PHC3: variants seen among roughly 807,000 people sequenced by gnomAD.
The protein encoded by PHC3 is polyhomeotic homolog 3, also known as polyhomeotic-like protein 3.
A neutral mutation model predicts 107.4 loss-of-function variants in PHC3; 13 were observed. The ratio of observed to expected loss-of-function variants is 0.12; its 90% CI spans 0.08 to 0.19. PHC3 has a LOEUF of 0.19. Ranked by LOEUF, PHC3 falls within the 10% of genes least tolerant of loss-of-function variation. PHC3 has a pLI of 1.00. For missense variants in PHC3, 992 were observed against 1,210.9 expected (o/e 0.82, Z 2.68); for synonymous variants, 456 against 427.4 (o/e 1.07, Z -0.83).
At chr3:170,098,948 C>A (rs1715021169) in intron 14 of PHC3, among the ~76,000 whole-genome samples, 1 of 152,130 alleles carries the variant, frequency 6.6e-6, no homozygotes. Flanking sequence ...CAAAACTGGG[C>A]AGACAAAACT....
At chr3:170,171,324 C>T (rs1577263789) in intron 4 of PHC3, 49 bp downstream of exon 4, 1 of 1,333,786 alleles carries the variant, frequency 7.5e-7, no homozygotes, top group Non-Finnish European at 1.0e-6. Context: ...TTTTGGAAAA[C>T]AATTCTTTAA....
intron 2 of PHC3, among the ~76,000 whole-genome samples, chr3:170,174,598 T>C (rs979176373): frequency 5.9e-5 from 9 of 152,044 alleles, no homozygotes; most frequent in Non-Finnish European, 1.2e-4. Flanking sequence ...GCTAAGGGAG[T>C]AATAGTGCCA....
At chr3:170,161,674 C>T (rs1727919589) in intron 4 of PHC3, among the ~76,000 whole-genome samples, 1 of 152,180 alleles carries the variant, frequency 6.6e-6, no homozygotes, top group Non-Finnish European at 1.5e-5. Flanking sequence ...TGACCCCTGA[C>T]TTAAACAACA....
chr3:170,176,225 CAAAAA>C (rs375783409), intron 2 of PHC3, among the ~76,000 whole-genome samples: 2 of 82,356 alleles, frequency 2.4e-5, no homozygotes, highest in African/African-American at 4.7e-5. Flanking sequence ...GACTCGGTCT[CAAAAA>C]AAAAAAAAAA....
In PHC3 at chr3:170,102,537, T is replaced by C; in HGVS notation, c.2775A>G (p.Gln925=). The change falls in exon 14 of 15, where the codon CAA becomes CAG. Residue 925 remains glutamine (Q), a synonymous_variant. Transcript: ENST00000495893. ...CAACTGTCCATATAGATGGCTCTGT[T>C]TGTGCAACTGGTAGCAAGTCACTGT... ...PENSDLLPVA[Q]TEPSIWTVDD... The C allele has an allele frequency of 6.2e-7, 1 of 1,613,900 alleles. No individual in the cohort carries two copies. Among genetic ancestry groups the C allele is most frequent in the Non-Finnish European group, 8.5e-7 (1 of 1,179,830 alleles).
chr3:170,150,967 C>T (rs572281568), intron 4 of PHC3, among the ~76,000 whole-genome samples: 51 of 152,120 alleles, frequency 3.4e-4, no homozygotes, highest in African/African-American at 1.2e-3. Context: ...AATCCCAGCA[C>T]TTTGGGAGGC....
rs1219006691 is a variant in PHC3 at position 170,091,815 on chromosome 3, G to T, written c.*5415C>A. ...TTTCTCATAGTACAATTTTAAAACG[G>T]ATTAGGTTCTAAAAACTAATATGTA... On this transcript the variant is annotated 3_prime_UTR_variant, in exon 15 of 15. Coordinates refer to ENST00000495893, the MANE Select transcript of PHC3 (RefSeq NM_024947.4). 22 of 152,044 alleles carry T rather than the reference G, an allele frequency of 1.4e-4. No homozygotes were observed. Among genetic ancestry groups the T allele is most frequent in the Admixed American group, 1.4e-3 (22 of 15,258 alleles). The allele number at this position is 152,044 out of a possible 1,614,324, so 9.4% of individuals were successfully genotyped here.
chr3:170,139,650 A>G (rs1468506141), intron 6 of PHC3, among the ~76,000 whole-genome samples: 2 of 152,210 alleles, frequency 1.3e-5, no homozygotes, highest in African/African-American at 2.4e-5. Context: ...TGTTGTATAT[A>G]TATTATTTAT....
chr3:170,144,824 G>T (rs2108560468), intron 6 of PHC3, among the ~76,000 whole-genome samples: 1 of 152,142 alleles, frequency 6.6e-6, no homozygotes, highest in East Asian at 1.9e-4. Flanking sequence ...TCCTGCCTCA[G>T]CCTCCTGAAA....
intron 4 of PHC3, chr3:170,170,921 A>C (rs1194908066): frequency 6.2e-6 from 1 of 160,570 alleles, no homozygotes; most frequent in Non-Finnish European, 1.4e-5. Context: ...CCTATCTTGA[A>C]TGGATACTTG....
chr3:170,165,141 C>T (rs1008545767), intron 4 of PHC3, among the ~76,000 whole-genome samples: 17 of 152,222 alleles, frequency 1.1e-4, no homozygotes, highest in African/African-American at 3.9e-4. Context: ...AACTCCCACC[C>T]CAGCTTAGCA....
chr3:170,152,546 C>T (rs1422569285), intron 4 of PHC3, among the ~76,000 whole-genome samples: 3 of 152,004 alleles, frequency 2.0e-5, no homozygotes, highest in Admixed American at 2.0e-4. Flanking sequence ...CAATAGTCAC[C>T]AACATCTAAC....
At chr3:170,170,406 C>T (rs748298566) in intron 4 of PHC3, 6 of 149,728 alleles carry the variant, frequency 4.0e-5, no homozygotes, top group Non-Finnish European at 7.4e-5. Flanking sequence ...GCTAAACATC[C>T]TATAAATTAC....
intron 3 of PHC3, 96 bp downstream of exon 3, chr3:170,172,459 ATC>A: frequency 7.6e-7 from 1 of 1,315,304 alleles, no homozygotes; most frequent in East Asian, 2.4e-5. Flanking sequence ...ACCACAGGAC[ATC>A]TGAGAACTCT....
chr3:170,134,168 C>T (rs375937599), intron 7 of PHC3, among the ~76,000 whole-genome samples: 197 of 151,714 alleles, frequency 1.3e-3, no homozygotes, highest in Admixed American at 2.9e-3. Context: ...AATAAGAATT[C>T]GTGTCTAACT....
In PHC3 at chr3:170,093,652, G is replaced by A. The variant is rs577608161; in HGVS notation, c.*3578C>T. 6.6e-6 allele frequency: 1 copy of A among 152,246 alleles called. No individual in the cohort carries two copies. Among genetic ancestry groups the A allele is most frequent in the South Asian group, 2.1e-4 (1 of 4,828 alleles). 9.4% of individuals were successfully genotyped at this position (152,246 alleles called of 1,614,324 possible). Reference sequence around the variant, plus strand: ...CCAAAAGCCTGAAGATGTACATAATGTACTTTAAGACATTTAACTGAACAA... The same window carrying A: ...CCAAAAGCCTGAAGATGTACATAATATACTTTAAGACATTTAACTGAACAA... On this transcript the variant is annotated 3_prime_UTR_variant, in exon 15 of 15. Coordinates refer to ENST00000495893, the MANE Select transcript of PHC3 (RefSeq NM_024947.4).
intron 4 of PHC3, among the ~76,000 whole-genome samples, chr3:170,153,576 A>T (rs1161174473): frequency 6.6e-6 from 1 of 152,080 alleles, no homozygotes; most frequent in Non-Finnish European, 1.5e-5. Context: ...ATCCTGGATA[A>T]CACGGTGAAA....
At position 170,096,133 on chromosome 3, in the gene PHC3, TTC is replaced by T. The variant is rs1453233318; in HGVS notation, c.*1095_*1096del. 6.6e-6 allele frequency: 1 copy of T among 152,152 alleles called. No homozygotes were observed. The highest frequency in any genetic ancestry group is 2.4e-5 in the African/African-American group (1 of 41,428). 9.4% of individuals were successfully genotyped at this position (152,152 alleles called of 1,614,324 possible). A position where few individuals can be genotyped will look rare whatever the true frequency, so the allele number is the denominator to read the frequency against. ...AAGATAATCAGAATGAATTAGTACT[TTC>T]TGAGAGTTAAATTATTTGCATGTTT... On this transcript the variant is annotated 3_prime_UTR_variant, in exon 15 of 15. Coordinates refer to ENST00000495893, the MANE Select transcript of PHC3 (RefSeq NM_024947.4).
chr3:170,104,924 C>G (rs1716190179), intron 12 of PHC3, among the ~76,000 whole-genome samples: 1 of 152,094 alleles, frequency 6.6e-6, no homozygotes, highest in Non-Finnish European at 1.5e-5. Context: ...AAGAGGCTAG[C>G]TTTATACTTG....
Sources: allele counts gnomAD v4.1 joint callset (sites outside exome capture counted in the v4.1 genomes callset), GRCh38; gene constraint gnomAD v4.1.1; transcripts MANE v1.5; gene names NCBI Gene and HGNC (gene_info 2026-07-23, HGNC 2026-07-21).